The following GPHN variants were observed in gnomAD, a reference collection of about 807,000 sequenced individuals.
GPHN encodes gephyrin.
A neutral mutation model predicts 95.5 loss-of-function variants in GPHN; 17 were observed. That is an observed-to-expected ratio of 0.18 (90% CI 0.12 to 0.27). The LOEUF (loss-of-function observed/expected upper bound fraction) is 0.27, where lower values mean the gene tolerates loss of function less well. Ranked by LOEUF, GPHN falls within the 10% of genes least tolerant of loss-of-function variation. The pLI is 1.00. For synonymous variants in GPHN, 320 were observed against 322.5 expected, an observed-to-expected ratio of 0.99 and a Z score of 0.08; for missense variants, 660 against 978.1, an observed-to-expected ratio of 0.67 and a Z score of 4.34.
intron 18 of GPHN, among the ~76,000 whole-genome samples, chr14:67,150,460 A>C (rs981196433): frequency 1.5e-4 from 22 of 145,478 alleles, no homozygotes; most frequent in Non-Finnish European, 2.1e-4. Context: ...AAACAAAAAA[A>C]AAAAAAAAAA....
the GPHN span, chr14:67,302,318 A>G: frequency 1.7e-5 from 19 of 1,125,506 alleles, no homozygotes; most frequent in Non-Finnish European, 2.2e-5. Flanking sequence ...GAAGGTTAGT[A>G]TTGTTGAATG....
intron 4 of GPHN, among the ~76,000 whole-genome samples, chr14:66,871,942 T>A (rs1041803291): frequency 1.7e-4 from 26 of 151,850 alleles, no homozygotes; most frequent in Non-Finnish European, 1.0e-4. Context: ...AAGTAAAATT[T>A]AAAAAAAAAT....
the GPHN span, chr14:67,533,163 C>A: frequency 1.3e-5 from 2 of 151,852 alleles, no homozygotes; most frequent in Non-Finnish European, 2.9e-5. Flanking sequence ...GGGCGCCCGG[C>A]GGAGCGTTGA....
At chr14:66,745,303 C>T (rs1033174016) in intron 2 of GPHN, among the ~76,000 whole-genome samples, 1 of 152,038 alleles carries the variant, frequency 6.6e-6, no homozygotes, top group African/African-American at 2.4e-5. Flanking sequence ...TGCCTTCTCT[C>T]TATATATAAC....
the GPHN span, chr14:67,653,593 T>C: frequency 7.2e-6 from 8 of 1,112,934 alleles, no homozygotes; most frequent in Non-Finnish European, 9.1e-6. Context: ...AAGGGATATA[T>C]GTTGAAAAAT....
chr14:67,280,841 T>C, the GPHN span, among the ~76,000 whole-genome samples: 3 of 129,934 alleles, frequency 2.3e-5, no homozygotes, highest in African/African-American at 3.4e-5. Context: ...CCTTCCTTCC[T>C]TCCTTCCTTC....
At chr14:66,911,593 G>A (rs1360806468) in intron 5 of GPHN, among the ~76,000 whole-genome samples, 3 of 151,860 alleles carry the variant, frequency 2.0e-5, no homozygotes, top group Non-Finnish European at 2.9e-5. Context: ...GCACATCAGT[G>A]GGATTTTTAT....
chr14:67,378,723 C>T, the GPHN span, among the ~76,000 whole-genome samples: 6 of 152,200 alleles, frequency 3.9e-5, no homozygotes, highest in Non-Finnish European at 7.3e-5. Flanking sequence ...TTCCCTTTTC[C>T]TTAGCACTCT....
intron 9 of GPHN, among the ~76,000 whole-genome samples, chr14:67,005,713 G>C (rs917965504): frequency 6.6e-6 from 1 of 151,864 alleles, no homozygotes; most frequent in African/African-American, 2.4e-5. Flanking sequence ...TACACCCTTT[G>C]AATATGTGTT....
chr14:67,199,756 T>G, the GPHN span: 3 of 1,550,260 alleles, frequency 1.9e-6, no homozygotes, highest in Non-Finnish European at 1.8e-6. Context: ...GGTCTGGGCT[T>G]CCTCCACCAG....
At chr14:67,330,793 G>C in the GPHN span, among the ~76,000 whole-genome samples, 731 of 152,284 alleles carry the variant, frequency 4.8e-3, 12 homozygotes, top group African/African-American at 0.017. Context: ...GAGTTATTTA[G>C]AAGTATGTTA....
chr14:67,042,397 A>G (rs1457129601), intron 10 of GPHN, among the ~76,000 whole-genome samples: 1 of 151,952 alleles, frequency 6.6e-6, no homozygotes, highest in East Asian at 1.9e-4. Flanking sequence ...TCTTGAGTTG[A>G]TTTTTGTATA....
the GPHN span, among the ~76,000 whole-genome samples, chr14:67,632,867 C>T: frequency 8.8e-6 from 1 of 113,926 alleles, no homozygotes; most frequent in Non-Finnish European, 1.6e-5. Flanking sequence ...ATCGCTCAGG[C>T]TGGAGTGCAG....
At chr14:66,850,574 G>T (rs533520036) in intron 4 of GPHN, among the ~76,000 whole-genome samples, 2 of 152,206 alleles carry the variant, frequency 1.3e-5, no homozygotes, top group African/African-American at 4.8e-5. Context: ...GTTCCCCAGG[G>T]ACATTTGCAA....
chr14:66,724,700 C>G (rs956379000), intron 2 of GPHN, among the ~76,000 whole-genome samples: 2 of 152,150 alleles, frequency 1.3e-5, no homozygotes, highest in Non-Finnish European at 2.9e-5. Context: ...CCTTCCTACA[C>G]GTGATTTCTC....
At chr14:67,314,205 G>GA in the GPHN span, among the ~76,000 whole-genome samples, 23,445 of 151,604 alleles carry the variant, frequency 0.15, 3,428 homozygotes, top group East Asian at 0.42. Context: ...AGGAGGGCAT[G>GA]AAAAAAAAGA....
intron 3 of GPHN, among the ~76,000 whole-genome samples, chr14:66,812,529 G>A (rs2060803840): frequency 6.6e-6 from 1 of 152,104 alleles, no homozygotes; most frequent in African/African-American, 2.4e-5. Flanking sequence ...TAATCAAGCA[G>A]TAAAGGAACA....
chr14:66,734,984 T>G (rs553353655), intron 2 of GPHN, among the ~76,000 whole-genome samples: 1 of 152,326 alleles, frequency 6.6e-6, no homozygotes, highest in East Asian at 1.9e-4. Context: ...CTGTCTAGCT[T>G]AAAGGACACT....
At chr14:67,002,561 T>G (rs756804026) in intron 9 of GPHN, among the ~76,000 whole-genome samples, 3 of 151,392 alleles carry the variant, frequency 2.0e-5, no homozygotes, top group African/African-American at 7.3e-5. Flanking sequence ...TTTAACATAC[T>G]GTTTAAAGTT....
Sources: allele counts gnomAD v4.1 joint callset (sites outside exome capture counted in the v4.1 genomes callset), GRCh38; gene constraint gnomAD v4.1.1; transcripts MANE v1.5; gene names NCBI Gene and HGNC (gene_info 2026-07-23, HGNC 2026-07-21).